MAPKAP1: variants seen among roughly 807,000 people sequenced by gnomAD.
The protein encoded by MAPKAP1 is MAPK associated protein 1.
A neutral mutation model predicts 65.7 loss-of-function variants in MAPKAP1; 20 were observed. That is an observed-to-expected ratio of 0.30 (90% CI 0.21 to 0.44). MAPKAP1 has a LOEUF of 0.44. Ranked by LOEUF, MAPKAP1 falls within the 20% of genes least tolerant of loss-of-function variation. MAPKAP1 has a pLI of 1.00. For missense variants in MAPKAP1, 423 were observed against 648.0 expected (o/e 0.65, Z 3.77); for synonymous variants, 222 against 244.3 (o/e 0.91, Z 0.85).
At chr9:125,579,899 T>A (rs1831564498) in intron 5 of MAPKAP1, among the ~76,000 whole-genome samples, 1 of 152,190 alleles carries the variant, frequency 6.6e-6, no homozygotes, top group Non-Finnish European at 1.5e-5. Context: ...AGACCATGGT[T>A]TAGACTCAAT....
chr9:125,499,034 G>C (rs185481783), intron 8 of MAPKAP1, among the ~76,000 whole-genome samples: 19 of 152,248 alleles, frequency 1.2e-4, no homozygotes, highest in Admixed American at 1.1e-3. Context: ...ATGATTATTA[G>C]AGCTTACTGA....
chr9:125,663,279 C>A (rs1008819138), intron 3 of MAPKAP1, among the ~76,000 whole-genome samples: 1 of 152,300 alleles, frequency 6.6e-6, no homozygotes, highest in East Asian at 1.9e-4. Flanking sequence ...TTGAATACAC[C>A]AGGCACGTTT....
Position 125,444,551 on chromosome 9 carries a change from G to A in MAPKAP1, c.1393C>T (p.His465Tyr). The change falls in exon 11 of 12, where the codon CAC becomes TAC. Residue 465 changes from histidine to tyrosine, a missense_variant. Around this residue, in one of 6 missense-constraint regions of MAPKAP1, gnomAD observed 185 missense variants for 268.1 expected, o/e 0.69. Coordinates refer to ENST00000265960, the MANE Select transcript of MAPKAP1 (RefSeq NM_001006617.3). The part of the protein sequence containing the change: ...LTYLSNHDYK[H>Y]LYFESDAATV... ...GCAGCGTCCGATTCAAAGTAGAGGT[G>A]TTTATAGTCGTGATTGCTTAGATAC... The A allele has an allele frequency of 6.2e-7, 1 of 1,613,948 alleles. No individual in the cohort carries two copies. The highest frequency in any genetic ancestry group is 8.5e-7 in the Non-Finnish European group (1 of 1,179,892).
chr9:125,641,130 T>C (rs1833565663), intron 4 of MAPKAP1, among the ~76,000 whole-genome samples: 1 of 152,000 alleles, frequency 6.6e-6, no homozygotes, highest in Non-Finnish European at 1.5e-5. Flanking sequence ...GCATGCTGCC[T>C]GGCTCATAGC....
intron 4 of MAPKAP1, among the ~76,000 whole-genome samples, chr9:125,638,854 G>C (rs1372346533): frequency 6.6e-6 from 1 of 152,194 alleles, no homozygotes; most frequent in Non-Finnish European, 1.5e-5. Context: ...CAAAAGGAAC[G>C]ATCACCACCT....
intron 4 of MAPKAP1, among the ~76,000 whole-genome samples, chr9:125,590,526 T>C (rs1406763154): frequency 6.6e-6 from 1 of 151,914 alleles, no homozygotes; most frequent in Non-Finnish European, 1.5e-5. Context: ...GGTGGGAACC[T>C]TTAATGCCAG....
chr9:125,505,242 G>A (rs1335823604), intron 8 of MAPKAP1, among the ~76,000 whole-genome samples: 2 of 152,246 alleles, frequency 1.3e-5, no homozygotes, highest in East Asian at 1.9e-4. Flanking sequence ...CCATAGAAAC[G>A]GTGAAACCCA....
At chr9:125,449,504 T>C (rs1852859011) in intron 10 of MAPKAP1, among the ~76,000 whole-genome samples, 1 of 152,184 alleles carries the variant, frequency 6.6e-6, no homozygotes, top group Non-Finnish European at 1.5e-5. Context: ...TAAGCACTGG[T>C]CACATGCTCA....
At chr9:125,559,539 A>T in intron 6 of MAPKAP1, 94 bp downstream of exon 6, 1 of 1,166,076 alleles carries the variant, frequency 8.6e-7, no homozygotes, top group Non-Finnish European at 1.2e-6. Context: ...CAGATGCCAA[A>T]TATCATTTAT....
chr9:125,575,555 A>G (rs1046374040), intron 5 of MAPKAP1, among the ~76,000 whole-genome samples: 3 of 152,218 alleles, frequency 2.0e-5, no homozygotes, highest in Admixed American at 1.3e-4. Flanking sequence ...TGGGCAAAAG[A>G]TAAGAACAGC....
chr9:125,585,679 G>A lies in MAPKAP1; in HGVS notation c.547C>T (p.Leu183=). The A allele has an allele frequency of 6.2e-7, 1 of 1,614,240 alleles. No individual in the cohort carries two copies. Among genetic ancestry groups the A allele is most frequent in the South Asian group, 1.1e-5 (1 of 91,086 alleles). The part of the protein sequence containing the change: ...ATKKIDVYLP[L]HSSQDRLLPM... ...AGCAGTCTGTCCTGGCTCGAGTGCA[G>A]AGGGAGGTAGACATCGATCTTCTTG... Residue 183 remains leucine (L), a synonymous_variant, in exon 5 of 12, where the codon CTG becomes TTG. Coordinates refer to ENST00000265960, the MANE Select transcript of MAPKAP1 (RefSeq NM_001006617.3).
chr9:125,505,550 A>G (rs767764336), intron 8 of MAPKAP1, among the ~76,000 whole-genome samples: 40 of 152,268 alleles, frequency 2.6e-4, no homozygotes, highest in Non-Finnish European at 3.7e-4. Flanking sequence ...ATGGCAGAAT[A>G]TAACGAGGGA....
At chr9:125,545,677 C>G (rs1051207284) in intron 6 of MAPKAP1, among the ~76,000 whole-genome samples, 1 of 152,166 alleles carries the variant, frequency 6.6e-6, no homozygotes, top group Non-Finnish European at 1.5e-5. Flanking sequence ...AGACTAAAAG[C>G]TCAAAAGGAA....
chr9:125,633,654 G>A (rs1030275271), intron 4 of MAPKAP1, among the ~76,000 whole-genome samples: 3 of 152,094 alleles, frequency 2.0e-5, no homozygotes, highest in African/African-American at 7.2e-5. Context: ...CATAGTCAGT[G>A]TAGCAAATCA....
intron 3 of MAPKAP1, 113 bp from the exon 4 acceptor site, chr9:125,657,912 C>T (rs913973722): frequency 7.0e-6 from 7 of 1,005,768 alleles, no homozygotes; most frequent in South Asian, 1.5e-5. Flanking sequence ...GAGACATGTT[C>T]AGGTCGGATA....
chr9:125,595,955 A>G lies in MAPKAP1; in HGVS notation c.499-10228T>C. On this transcript the variant is annotated intron_variant, in intron 4 of 11. Transcript: ENST00000265960. This position sits in a 1 kb window ranked among gnomAD's most constrained non-coding sequence, Gnocchi z 4.0. The stretch of plus-strand genomic sequence containing the variant: ...CTGTCTCAAGAGAAGATTCTCAAAG[A>G]CCAGGTGCCCACTTAACTGTGAAAA... 1 of 1,465,462 alleles carries G rather than the reference A, an allele frequency of 6.8e-7. No individual in the cohort carries two copies. The highest frequency in any genetic ancestry group is 9.4e-7 in the Non-Finnish European group (1 of 1,060,226). 90.8% of individuals were successfully genotyped at this position (1,465,462 alleles called of 1,614,324 possible).
chr9:125,451,540 G>A (rs941371354), intron 10 of MAPKAP1, among the ~76,000 whole-genome samples: 1 of 152,126 alleles, frequency 6.6e-6, no homozygotes, highest in Non-Finnish European at 1.5e-5. Context: ...CAGTGGGTAT[G>A]GCTGCCACCT....
Position 125,595,770 on chromosome 9 carries a change from A to G in MAPKAP1, c.499-10043T>C. 8.0e-7 allele frequency: 1 copy of G among 1,243,530 alleles called. No homozygotes were observed. Among genetic ancestry groups the G allele is most frequent in the Non-Finnish European group, 1.2e-6 (1 of 860,332 alleles). 77.0% of individuals were successfully genotyped at this position (1,243,530 alleles called of 1,614,324 possible). A position where few individuals can be genotyped will look rare whatever the true frequency, so the allele number is the denominator to read the frequency against. On this transcript the variant is annotated intron_variant, in intron 4 of 11. Coordinates refer to ENST00000265960, the MANE Select transcript of MAPKAP1 (RefSeq NM_001006617.3). The surrounding 1 kb of genome is among the most constrained non-coding windows in gnomAD (Gnocchi z 4.0). ...AATGAGAGCAAGAGGAGCCATTGTG[A>G]GCAATGGGGAACGCTCCCAGACTGT...
intron 4 of MAPKAP1, among the ~76,000 whole-genome samples, chr9:125,611,723 C>T (rs1334629083): frequency 6.6e-6 from 1 of 152,142 alleles, no homozygotes; most frequent in Non-Finnish European, 1.5e-5. Flanking sequence ...TAGAGTTAAT[C>T]ACAAATGACA....
Sources: gnomAD v4.1 joint callset for allele counts (sites outside exome capture counted in the v4.1 genomes callset) on GRCh38, gnomAD v4.1.1 for gene constraint, gnomAD v4.1.1 regional missense constraint, Gnocchi (gnomAD v3.1) non-coding constraint, MANE v1.5 for transcripts, NCBI Gene and HGNC (gene_info 2026-07-23, HGNC 2026-07-21) for gene names.